The following TENM4 variants were observed in gnomAD, a reference collection of about 807,000 sequenced individuals.
The protein encoded by TENM4 is teneurin-4.
A neutral mutation model predicts 243.3 loss-of-function variants in TENM4; 82 were observed. The observed-to-expected ratio is 0.34, with a 90% CI of 0.28 to 0.40. The LOEUF (loss-of-function observed/expected upper bound fraction) is 0.40, where lower values mean the gene tolerates loss of function less well. Among genes scored for constraint, TENM4 ranks in the 10% least tolerant of loss-of-function variants. The pLI is 1.00. For synonymous variants in TENM4, 1,412 were observed against 1,456.3 expected, an observed-to-expected ratio of 0.97 and a Z score of 0.69; for missense variants, 3,138 against 3,673.3, an observed-to-expected ratio of 0.85 and a Z score of 3.77.
At chr11:79,379,034 GC>G (rs1203304310) in intron 1 of TENM4, among the ~76,000 whole-genome samples, 1 of 152,186 alleles carries the variant, frequency 6.6e-6, no homozygotes, top group Non-Finnish European at 1.5e-5. Flanking sequence ...AGGTTACAGT[GC>G]TTGTAGGGGT....
At chr11:79,007,831 A>G (rs1024986975) in intron 6 of TENM4, among the ~76,000 whole-genome samples, 1 of 152,104 alleles carries the variant, frequency 6.6e-6, no homozygotes, top group Non-Finnish European at 1.5e-5. Flanking sequence ...CTTTATCATG[A>G]CTATGCACTG....
chr11:79,291,020 T>A (rs1314179493), intron 2 of TENM4, among the ~76,000 whole-genome samples: 3 of 151,908 alleles, frequency 2.0e-5, no homozygotes, highest in Non-Finnish European at 4.4e-5. Context: ...GGGGCTGGGA[T>A]GGAAAAGACA....
intron 2 of TENM4, among the ~76,000 whole-genome samples, chr11:79,294,597 C>T (rs1856415954): frequency 2.0e-5 from 3 of 151,258 alleles, no homozygotes; most frequent in Admixed American, 2.0e-4. Flanking sequence ...GCCTGTAATC[C>T]CAGCACTTTG....
intron 1 of TENM4, among the ~76,000 whole-genome samples, chr11:79,332,065 A>G (rs2135446273): frequency 6.6e-6 from 1 of 152,368 alleles, no homozygotes; most frequent in East Asian, 1.9e-4. Context: ...TGTCAGGCAC[A>G]ACTCTGATCC....
chr11:79,405,900 G>C (rs1020711936), intron 1 of TENM4, among the ~76,000 whole-genome samples: 1 of 147,868 alleles, frequency 6.8e-6, no homozygotes, highest in African/African-American at 2.5e-5. Context: ...GCTCTTAACT[G>C]CATGTCCTTA....
chr11:79,346,455 G>A (rs1258358486), intron 1 of TENM4, among the ~76,000 whole-genome samples: 3 of 152,106 alleles, frequency 2.0e-5, no homozygotes, highest in Non-Finnish European at 4.4e-5. Flanking sequence ...GGTAGCCTTA[G>A]GAATAGTAAT....
chr11:78,957,961 C>G (rs1197991265), intron 6 of TENM4, among the ~76,000 whole-genome samples: 1 of 151,262 alleles, frequency 6.6e-6, no homozygotes, highest in South Asian at 2.1e-4. Context: ...ATATTTGAAA[C>G]AAAACAAAAA....
At chr11:79,356,817 A>AT (rs143335195) in intron 1 of TENM4, among the ~76,000 whole-genome samples, 1 of 152,022 alleles carries the variant, frequency 6.6e-6, no homozygotes, top group African/African-American at 2.4e-5. Context: ...GAATAATGCC[A>AT]TTTTTTGGTC....
intron 1 of TENM4, among the ~76,000 whole-genome samples, chr11:79,304,890 A>G (rs148449524): frequency 6.6e-6 from 1 of 152,314 alleles, no homozygotes; most frequent in Non-Finnish European, 1.5e-5. Context: ...AGATTTTCTT[A>G]TTTACCTAAA....
chr11:79,110,430 C>T (rs960359445), intron 4 of TENM4, among the ~76,000 whole-genome samples: 3 of 152,194 alleles, frequency 2.0e-5, no homozygotes, highest in African/African-American at 7.2e-5. Context: ...CTGGGCACTG[C>T]AGGTGGACAG....
chr11:79,371,378 C>T (rs181211162), intron 1 of TENM4, among the ~76,000 whole-genome samples: 12 of 152,214 alleles, frequency 7.9e-5, no homozygotes, highest in African/African-American at 2.6e-4. Flanking sequence ...TTCTGGTCAC[C>T]GGCTGGGAAT....
At chr11:79,358,603 T>TTCCCTTCC (rs1342886225) in intron 1 of TENM4, among the ~76,000 whole-genome samples, 1 of 151,940 alleles carries the variant, frequency 6.6e-6, no homozygotes, top group Non-Finnish European at 1.5e-5. Flanking sequence ...CCTTCCCTCC[T>TTCCCTTCC]TCCCTTCCTC....
intron 1 of TENM4, among the ~76,000 whole-genome samples, chr11:79,315,179 C>G (rs1856783541): frequency 6.6e-6 from 1 of 152,136 alleles, no homozygotes; most frequent in African/African-American, 2.4e-5. Context: ...AAAGGCAGAG[C>G]TGCAGTAAGT....
intron 6 of TENM4, among the ~76,000 whole-genome samples, chr11:79,000,096 A>T (rs1412861922): frequency 6.6e-6 from 1 of 152,232 alleles, no homozygotes; most frequent in Non-Finnish European, 1.5e-5. Context: ...AATGGAGGGC[A>T]TATCAGAGCT....
intron 2 of TENM4, among the ~76,000 whole-genome samples, chr11:79,279,439 C>A (rs1194305854): frequency 7.2e-5 from 11 of 152,156 alleles, no homozygotes. Context: ...ATCCAGAGCC[C>A]AGCAAGGTGG....
chr11:79,309,303 C>T (rs574772764), intron 1 of TENM4, among the ~76,000 whole-genome samples: 33 of 152,310 alleles, frequency 2.2e-4, no homozygotes, highest in Non-Finnish European at 3.7e-4. Flanking sequence ...ATTTCATTGC[C>T]TTGGGAAGGA....
At chr11:79,145,936 CTT>C (rs1432236879) in intron 4 of TENM4, among the ~76,000 whole-genome samples, 2 of 151,978 alleles carry the variant, frequency 1.3e-5, no homozygotes. Context: ...GTATCTGAGT[CTT>C]TTGCCCATTT....
chr11:78,684,611 G>T (rs1858619177), intron 29 of TENM4, among the ~76,000 whole-genome samples: 1 of 152,140 alleles, frequency 6.6e-6, no homozygotes, highest in South Asian at 2.1e-4. Flanking sequence ...AGGGCCCCTT[G>T]TCTTTAGATT....
At chr11:78,914,201 A>G (rs1345703713) in intron 6 of TENM4, among the ~76,000 whole-genome samples, 1 of 152,180 alleles carries the variant, frequency 6.6e-6, no homozygotes, top group Non-Finnish European at 1.5e-5. Context: ...GTCTATCTGA[A>G]AAAGGAAGTT....
Sources: gnomAD v4.1 joint callset for allele counts (sites outside exome capture counted in the v4.1 genomes callset) on GRCh38, gnomAD v4.1.1 for gene constraint, MANE v1.5 for transcripts, NCBI Gene and HGNC (gene_info 2026-07-23, HGNC 2026-07-21) for gene names.